Variants in USP15 observed in about 807,000 individuals in gnomAD.
The protein encoded by USP15 is ubiquitin specific peptidase 15, also known as ubiquitin carboxyl-terminal hydrolase 15.
USP15 carries 18 observed loss-of-function variants against 127.1 expected under a neutral mutation model. That is an observed-to-expected ratio of 0.14 (90% CI 0.10 to 0.21). The LOEUF is 0.21. USP15 is among the 10% of genes least tolerant of loss of function. The pLI, the probability that USP15 is intolerant of heterozygous loss-of-function variation, is 1.00. For synonymous variants in USP15, 364 were observed against 393.7 expected (o/e 0.92, Z 0.89); for missense variants, 805 against 1,159.9 (o/e 0.69, Z 4.44).
At chr12:62,268,805 C>G (rs994940911) in intron 1 of USP15, among the ~76,000 whole-genome samples, 1 of 152,024 alleles carries the variant, frequency 6.6e-6, no homozygotes, top group Non-Finnish European at 1.5e-5. Flanking sequence ...GGACAGTTCA[C>G]TGGGTTTTAG....
chr12:62,401,353 C>T (rs1473715329), intron 21 of USP15, 78 bp downstream of exon 21: 5 of 1,082,396 alleles, frequency 4.6e-6, no homozygotes, highest in African/African-American at 1.6e-5. Flanking sequence ...AAAAGGGGCT[C>T]ATGGAACACT....
chr12:62,396,866 C>T (rs1159738605), intron 20 of USP15, among the ~76,000 whole-genome samples: 1 of 152,168 alleles, frequency 6.6e-6, no homozygotes, highest in Non-Finnish European at 1.5e-5. Flanking sequence ...TCTCCACTTA[C>T]CTCATGATAG....
chr12:62,335,456 T>C (rs2065431953), intron 6 of USP15: 2 of 1,331,148 alleles, frequency 1.5e-6, no homozygotes, highest in African/African-American at 3.0e-5. Flanking sequence ...CTGATCACCT[T>C]ACTATTTAAG....
intron 6 of USP15, among the ~76,000 whole-genome samples, chr12:62,348,259 A>C (rs1458699065): frequency 6.6e-6 from 1 of 152,198 alleles, no homozygotes. Flanking sequence ...TTATATTTAA[A>C]AAATTTTATT....
At chr12:62,390,543 A>AT (rs1401167168) in intron 14 of USP15, among the ~76,000 whole-genome samples, 3 of 152,120 alleles carry the variant, frequency 2.0e-5, no homozygotes, top group African/African-American at 7.2e-5. Context: ...CATAACCCAT[A>AT]TATAAAGATC....
intron 1 of USP15, chr12:62,279,093 A>G (rs1259734050): frequency 2.0e-5 from 3 of 152,166 alleles, no homozygotes; most frequent in Admixed American, 6.5e-5. Context: ...ACAATATTGT[A>G]CAATAGACTT....
rs1285077421 is a variant in USP15 at position 62,396,278 on chromosome 12, G to C, written c.2571-17G>C. On this transcript the variant is annotated splice_polypyrimidine_tract_variant and intron_variant, in intron 19 of 21. Transcript: ENST00000280377. ...TAGGGACAACATAAAAATTAACTTGGTTTCTTTTTTAAACAGTGACTTGGA... is the reference window on the plus strand; with the variant it reads ...TAGGGACAACATAAAAATTAACTTGCTTTCTTTTTTAAACAGTGACTTGGA... 1 of 1,552,558 alleles carries C rather than the reference G, an allele frequency of 6.4e-7. No individual in the cohort carries two copies. The highest frequency in any genetic ancestry group is 1.2e-5 in the South Asian group (1 of 81,672).
chr12:62,342,826 G>A (rs928862927), intron 6 of USP15, among the ~76,000 whole-genome samples: 2 of 152,142 alleles, frequency 1.3e-5, no homozygotes, highest in East Asian at 3.9e-4. Context: ...TCCCGTATGA[G>A]GTGTCTGTCA....
chr12:62,315,904 A>C (rs1187825610), intron 4 of USP15, among the ~76,000 whole-genome samples: 1 of 152,192 alleles, frequency 6.6e-6, no homozygotes, highest in African/African-American at 2.4e-5. Context: ...TGTTTGCACC[A>C]AATAAAATAC....
intron 1 of USP15, among the ~76,000 whole-genome samples, chr12:62,266,188 C>G (rs1592446460): frequency 6.6e-6 from 1 of 152,094 alleles, no homozygotes; most frequent in Non-Finnish European, 1.5e-5. Flanking sequence ...ATCATAAGCT[C>G]TTATTAGAGA....
intron 6 of USP15, chr12:62,336,314 T>G: frequency 1.5e-5 from 15 of 985,436 alleles, no homozygotes; most frequent in Non-Finnish European, 1.8e-5. Context: ...AAACCAAATC[T>G]TTTTACCCCT....
rs756390656 is a variant in USP15, at chr12:62,294,326, A to G, written c.217+20A>G. The stretch of plus-strand genomic sequence containing the variant: ...TCAAAGGTCATTATTTTCTTCCTTC[A>G]GTCAAGTTGTAAATGTGTTAAATTT... On this transcript the variant is annotated intron_variant, in intron 2 of 21. Transcript: ENST00000280377. 1.6e-4 allele frequency: 250 copies of G among 1,601,026 alleles called. No individual in the cohort carries two copies. The highest frequency in any genetic ancestry group is 2.1e-4 in the Non-Finnish European group (247 of 1,176,684).
chr12:62,390,732 AT>A (rs1313421151), intron 14 of USP15, 131 bp from the exon 15 acceptor site: 3 of 545,370 alleles, frequency 5.5e-6, no homozygotes, highest in Non-Finnish European at 9.6e-6. Context: ...AAAAGTTTGA[AT>A]TTATCTTTGA....
intron 4 of USP15, chr12:62,315,153 A>T: frequency 3.5e-6 from 1 of 282,578 alleles, no homozygotes; most frequent in Non-Finnish European, 6.3e-6. Flanking sequence ...ACATCAAATA[A>T]TTATTGTTTT....
At chr12:62,366,937 C>G (rs2066495582) in intron 8 of USP15, among the ~76,000 whole-genome samples, 1 of 152,114 alleles carries the variant, frequency 6.6e-6, no homozygotes, top group Non-Finnish European at 1.5e-5. Flanking sequence ...TGATGTGGTG[C>G]TGGATTCGGT....
At chr12:62,322,799 C>G (rs1460993826) in intron 5 of USP15, among the ~76,000 whole-genome samples, 1 of 152,168 alleles carries the variant, frequency 6.6e-6, no homozygotes, top group Non-Finnish European at 1.5e-5. Flanking sequence ...ACCTACTCTT[C>G]CACCATCTCT....
intron 8 of USP15, among the ~76,000 whole-genome samples, chr12:62,365,749 C>G (rs576543482): frequency 6.0e-4 from 91 of 152,160 alleles, no homozygotes; most frequent in Non-Finnish European, 1.1e-3. Context: ...AGGAAGGGGT[C>G]CAGTTTCTGT....
intron 8 of USP15, among the ~76,000 whole-genome samples, chr12:62,378,260 G>A (rs1243441859): frequency 6.6e-6 from 1 of 152,060 alleles, no homozygotes; most frequent in Admixed American, 6.6e-5. Flanking sequence ...TCAAGATGAG[G>A]GTGGAAAGGA....
chr12:62,390,900 T>C lies in USP15; in HGVS notation c.1881T>C (p.Thr627=), dbSNP rs1293938134. Residue 627 remains threonine, a synonymous_variant, in exon 15 of 22, where the codon ACT becomes ACC. Coordinates refer to ENST00000280377, the MANE Select transcript of USP15 (RefSeq NM_001252078.2). ...YVKISTETEE[T]EGSLHCCKDQ... is the part of the protein sequence containing the mutation. ...AAATATCTACTGAAACTGAAGAAAC[T>C]GAAGGATCCCTACACTGCTGTAAGG... 1 of 1,612,254 alleles carries C rather than the reference T, an allele frequency of 6.2e-7. No individual in the cohort carries two copies. Among genetic ancestry groups the C allele is most frequent in the Non-Finnish European group, 8.5e-7 (1 of 1,178,996 alleles).
Sources: allele counts gnomAD v4.1 joint callset (sites outside exome capture counted in the v4.1 genomes callset), GRCh38; gene constraint gnomAD v4.1.1; transcripts MANE v1.5; gene names NCBI Gene and HGNC (gene_info 2026-07-23, HGNC 2026-07-21).